PRKAR2A: variants seen among roughly 807,000 people sequenced by gnomAD.
PRKAR2A encodes the protein protein kinase cAMP-dependent type II regulatory subunit alpha, also known as cAMP-dependent protein kinase type II-alpha regulatory subunit.
In PRKAR2A, 29 loss-of-function variants were observed where a neutral mutation model predicts 51.9. The ratio of observed to expected loss-of-function variants is 0.56; its 90% CI spans 0.42 to 0.76. The LOEUF is 0.76. Ranked by LOEUF, PRKAR2A falls within the 30% of genes least tolerant of loss-of-function variation. PRKAR2A has a pLI of 0.00. For missense variants in PRKAR2A, 445 were observed against 512.1 expected, an observed-to-expected ratio of 0.87 and a Z score of 1.26; for synonymous variants, 178 against 186.2, an observed-to-expected ratio of 0.96 and a Z score of 0.36.
chr3:48,772,476 G>A (rs1440617686), intron 6 of PRKAR2A, among the ~76,000 whole-genome samples: 1 of 152,040 alleles, frequency 6.6e-6, no homozygotes, highest in Non-Finnish European at 1.5e-5. Context: ...CCAAGTGCTG[G>A]GATTACAGGT....
At chr3:48,777,044 C>G (rs1197365336) in intron 5 of PRKAR2A, among the ~76,000 whole-genome samples, 1 of 152,168 alleles carries the variant, frequency 6.6e-6, no homozygotes, top group African/African-American at 2.4e-5. Flanking sequence ...GATAAGAAAG[C>G]CTGAGTGCTC....
chr3:48,792,028 CAT>C (rs2082397677), intron 3 of PRKAR2A, among the ~76,000 whole-genome samples: 1 of 147,884 alleles, frequency 6.8e-6, no homozygotes, highest in Non-Finnish European at 1.5e-5. Context: ...AAAAAAATTA[CAT>C]GATTTTTACA....
intron 1 of PRKAR2A, among the ~76,000 whole-genome samples, chr3:48,812,557 A>C (rs1559636063): frequency 6.9e-6 from 1 of 145,358 alleles, no homozygotes; most frequent in Non-Finnish European, 1.5e-5. Context: ...ATCTTGGCTC[A>C]CTGCAAGCTC....
chr3:48,805,806 A>G (rs2082669641), intron 2 of PRKAR2A, among the ~76,000 whole-genome samples: 1 of 152,242 alleles, frequency 6.6e-6, no homozygotes, highest in South Asian at 2.1e-4. Context: ...TAACATTTCA[A>G]TGATATGAAA....
chr3:48,759,623 G>A (rs1396762663), intron 8 of PRKAR2A, among the ~76,000 whole-genome samples: 1 of 152,156 alleles, frequency 6.6e-6, no homozygotes, highest in Non-Finnish European at 1.5e-5. Flanking sequence ...CCAACCTCAG[G>A]TGATCCGCCT....
chr3:48,803,137 T>G (rs145525991), intron 2 of PRKAR2A, among the ~76,000 whole-genome samples: 5 of 152,208 alleles, frequency 3.3e-5, no homozygotes, highest in Non-Finnish European at 5.9e-5. Context: ...GAAAAAAGCA[T>G]GGAGCATGTG....
At chr3:48,794,979 C>CTT (rs761295018) in intron 2 of PRKAR2A, among the ~76,000 whole-genome samples, 1 of 143,890 alleles carries the variant, frequency 6.9e-6, no homozygotes, top group African/African-American at 2.5e-5. Flanking sequence ...TCTGAGGAAA[C>CTT]TTTTTTTTTT....
chr3:48,801,587 CTTTATTTTAT>C (rs1311830985), intron 2 of PRKAR2A, among the ~76,000 whole-genome samples: 2 of 152,114 alleles, frequency 1.3e-5, no homozygotes, highest in Non-Finnish European at 2.9e-5. Context: ...CCATGCCCAG[CTTTATTTTAT>C]TTTATTTTGT....
At chr3:48,786,892 G>A (rs1051347431) in intron 4 of PRKAR2A, among the ~76,000 whole-genome samples, 1 of 151,836 alleles carries the variant, frequency 6.6e-6, no homozygotes, top group East Asian at 1.9e-4. Context: ...GCTTTCAGAG[G>A]GACACAATAT....
chr3:48,765,826 CA>C (rs1463039891), intron 6 of PRKAR2A, among the ~76,000 whole-genome samples: 2 of 148,942 alleles, frequency 1.3e-5, no homozygotes. Context: ...TTAAAAAATC[CA>C]AAACAATTAG....
chr3:48,814,548 T>G (rs986648473), intron 1 of PRKAR2A, among the ~76,000 whole-genome samples: 2 of 152,230 alleles, frequency 1.3e-5, no homozygotes, highest in African/African-American at 4.8e-5. Flanking sequence ...TTCAACATTT[T>G]AAGAAAAATA....
chr3:48,815,747 G>A (rs2082864456), intron 1 of PRKAR2A, among the ~76,000 whole-genome samples: 1 of 145,868 alleles, frequency 6.9e-6, no homozygotes. Context: ...AGGGCCAGGC[G>A]TGGTGGCTCA....
intron 5 of PRKAR2A, among the ~76,000 whole-genome samples, chr3:48,781,746 C>A (rs1011851182): frequency 6.6e-6 from 1 of 151,748 alleles, no homozygotes; most frequent in Non-Finnish European, 1.5e-5. Context: ...CTCCTGACCT[C>A]GTGATCTGCC....
intron 1 of PRKAR2A, among the ~76,000 whole-genome samples, chr3:48,836,191 AG>A (rs2083280098): frequency 1.3e-5 from 2 of 151,894 alleles, no homozygotes; most frequent in South Asian, 4.1e-4. Context: ...AGGCCAAATC[AG>A]GTGCATCACG....
At chr3:48,843,882 C>T (rs980825455) in intron 1 of PRKAR2A, among the ~76,000 whole-genome samples, 1 of 150,970 alleles carries the variant, frequency 6.6e-6, no homozygotes, top group African/African-American at 2.4e-5. Context: ...CCATAAAAAC[C>T]CTAGAAGAAA....
intron 6 of PRKAR2A, 33 bp from the exon 7 acceptor site, chr3:48,765,382 G>T: frequency 1.4e-6 from 2 of 1,442,158 alleles, no homozygotes; most frequent in Non-Finnish European, 9.6e-7. Context: ...TCTAGTAAAT[G>T]CCTATATACA....
At position 48,749,884 on chromosome 3, in the gene PRKAR2A, ATTTT is replaced by A. The variant is rs370074556; in HGVS notation, c.*1697_*1700del. ...TCCAAGTGAAATTACCTAAAGAATA[ATTTT>A]TTTTCTTTCTTTTTTTTTTTTTAAG... On this transcript the variant is annotated 3_prime_UTR_variant, in exon 11 of 11. Transcript: ENST00000265563. The A allele has an allele frequency of 6.6e-6, 1 of 151,108 alleles. No individual in the cohort carries two copies. Among genetic ancestry groups the A allele is most frequent in the Non-Finnish European group, 1.5e-5 (1 of 67,850 alleles). The allele number at this position is 151,108 out of a possible 1,614,324, so 9.4% of individuals were successfully genotyped here. A position where few individuals can be genotyped will look rare whatever the true frequency, so the allele number is the denominator to read the frequency against.
chr3:48,822,679 T>C (rs1365211736), intron 1 of PRKAR2A, among the ~76,000 whole-genome samples: 3 of 151,320 alleles, frequency 2.0e-5, no homozygotes, highest in Admixed American at 1.3e-4. Flanking sequence ...CATGCAATAA[T>C]ATGCAGATCC....
chr3:48,773,822 A>G (rs910010388), intron 5 of PRKAR2A, among the ~76,000 whole-genome samples: 11 of 149,652 alleles, frequency 7.4e-5, no homozygotes, highest in African/African-American at 2.7e-4. Context: ...TGACATATAT[A>G]TTTTTTTGAG....
Sources: allele counts gnomAD v4.1 joint callset (sites outside exome capture counted in the v4.1 genomes callset), GRCh38; gene constraint gnomAD v4.1.1; transcripts MANE v1.5; gene names NCBI Gene and HGNC (gene_info 2026-07-23, HGNC 2026-07-21).